KIAA0930: variants seen among roughly 807,000 people sequenced by gnomAD.
The protein encoded by KIAA0930 is uncharacterized protein KIAA0930.
KIAA0930 carries 24 observed loss-of-function variants against 43.9 expected under a neutral mutation model. That is an observed-to-expected ratio of 0.55 (90% CI 0.40 to 0.77). The LOEUF (loss-of-function observed/expected upper bound fraction) is 0.77, where lower values mean the gene tolerates loss of function less well. Ranked by LOEUF, KIAA0930 falls within the 30% of genes least tolerant of loss-of-function variation. The pLI, the probability that KIAA0930 is intolerant of heterozygous loss-of-function variation, is 0.00. For synonymous variants in KIAA0930, 259 were observed against 216.4 expected (o/e 1.20, Z -1.73); for missense variants, 461 against 574.2 (o/e 0.80, Z 2.02).
intron 1 of KIAA0930, among the ~76,000 whole-genome samples, chr22:45,220,366 A>C (rs1452355686): frequency 6.6e-6 from 1 of 152,016 alleles, no homozygotes; most frequent in Non-Finnish European, 1.5e-5. Context: ...AAAGCAGGAG[A>C]ATTGCTTGAA....
At chr22:45,229,441 G>A (rs376662983) in intron 1 of KIAA0930, among the ~76,000 whole-genome samples, 13 of 150,590 alleles carry the variant, frequency 8.6e-5, no homozygotes, top group African/African-American at 2.4e-4. Flanking sequence ...GAGCTGGTGC[G>A]AGGGATGAAA....
intron 1 of KIAA0930, among the ~76,000 whole-genome samples, chr22:45,213,695 C>A (rs949812350): frequency 1.3e-5 from 2 of 152,222 alleles, no homozygotes; most frequent in Non-Finnish European, 2.9e-5. Flanking sequence ...AACGGAATAA[C>A]AGAATAAATT....
chr22:45,193,408 C>G lies in KIAA0930; in HGVS notation c.*3768G>C, dbSNP rs1290705153. ...ATATACTGGCTGCACAGGGCCTTTC[C>G]TCTGGGACATCTTTTAATGAAAAAA... On this transcript the variant is annotated 3_prime_UTR_variant, in exon 10 of 10. Coordinates refer to ENST00000336156, the MANE Select transcript of KIAA0930 (RefSeq NM_001009880.2). 6.6e-6 allele frequency: 1 copy of G among 152,132 alleles called. No individual in the cohort carries two copies. Among genetic ancestry groups the G allele is most frequent in the African/African-American group, 2.4e-5 (1 of 41,408 alleles). The allele number at this position is 152,132 out of a possible 1,614,324, so 9.4% of individuals were successfully genotyped here. A position where few individuals can be genotyped will look rare whatever the true frequency, so the allele number is the denominator to read the frequency against.
At chr22:45,206,551 A>G (rs142289386) in intron 2 of KIAA0930, among the ~76,000 whole-genome samples, 1 of 152,232 alleles carries the variant, frequency 6.6e-6, no homozygotes, top group African/African-American at 2.4e-5. Context: ...CATTTTACAA[A>G]TTATTAATCC....
At chr22:45,223,894 A>C (rs1027358915) in intron 1 of KIAA0930, among the ~76,000 whole-genome samples, 2 of 151,154 alleles carry the variant, frequency 1.3e-5, no homozygotes, top group Non-Finnish European at 2.9e-5. Flanking sequence ...GTCAGCACTG[A>C]GACAGCACCC....
chr22:45,201,751 C>T (rs568031276), intron 7 of KIAA0930, among the ~76,000 whole-genome samples: 7 of 152,104 alleles, frequency 4.6e-5, no homozygotes, highest in Admixed American at 6.6e-5. Context: ...TACCTCCCCC[C>T]CAAAAAAAGA....
At chr22:45,211,583 C>A (rs999467429) in intron 2 of KIAA0930, among the ~76,000 whole-genome samples, 14 of 152,204 alleles carry the variant, frequency 9.2e-5, no homozygotes, top group Non-Finnish European at 2.9e-5. Flanking sequence ...AGTCAGGTCA[C>A]CCTGCCATGG....
chr22:45,204,383 G>T (rs993961409), intron 5 of KIAA0930, among the ~76,000 whole-genome samples: 3 of 152,188 alleles, frequency 2.0e-5, no homozygotes, highest in African/African-American at 7.2e-5. Context: ...CCCACCTGGG[G>T]TGACAACACC....
intron 8 of KIAA0930, among the ~76,000 whole-genome samples, chr22:45,199,243 C>T (rs910867678): frequency 1.3e-5 from 2 of 152,172 alleles, no homozygotes; most frequent in Admixed American, 6.6e-5. Context: ...GGTCACTGAG[C>T]GAGGACAGGG....
intron 9 of KIAA0930, 137 bp from the exon 10 acceptor site, chr22:45,197,353 G>A (rs1265120057): frequency 8.2e-6 from 6 of 727,610 alleles, no homozygotes; most frequent in Non-Finnish European, 1.4e-5. Flanking sequence ...ACAGACTGCA[G>A]AGGAGACGTG....
intron 1 of KIAA0930, among the ~76,000 whole-genome samples, chr22:45,219,421 G>T (rs1407993665): frequency 6.6e-6 from 1 of 151,950 alleles, no homozygotes; most frequent in African/African-American, 2.4e-5. Context: ...TCCTTTTTTA[G>T]AAAAGGATTA....
intron 1 of KIAA0930, among the ~76,000 whole-genome samples, chr22:45,219,575 G>T (rs1009503698): frequency 7.6e-5 from 11 of 145,272 alleles, no homozygotes; most frequent in African/African-American, 2.8e-4. Context: ...CAGGCCAAGA[G>T]GTGATTGTTT....
chr22:45,226,880 A>AT (rs2083805026), intron 1 of KIAA0930: 2 of 153,896 alleles, frequency 1.3e-5, no homozygotes, highest in Non-Finnish European at 2.9e-5. Flanking sequence ...CCCAGTCATC[A>AT]TTCCACCTCC....
At position 45,194,619 on chromosome 22, in the gene KIAA0930, T is replaced by TA. The variant is rs1400895870; in HGVS notation, c.*2556dup. 1 of 152,222 alleles carries TA rather than the reference T, an allele frequency of 6.6e-6. No individual in the cohort carries two copies. The highest frequency in any genetic ancestry group is 1.5e-5 in the Non-Finnish European group (1 of 68,046). 9.4% of individuals were successfully genotyped at this position (152,222 alleles called of 1,614,324 possible). Reference sequence around the variant, plus strand: ...CCCTGGTTCTGGCCCTGCCACTTGTTACTCTATTACTTTATTCCACATGTC... The same window carrying TA: ...CCCTGGTTCTGGCCCTGCCACTTGTTAACTCTATTACTTTATTCCACATGTC... On this transcript the variant is annotated 3_prime_UTR_variant, in exon 10 of 10. Transcript: ENST00000336156.
At chr22:45,232,293 T>G in intron 1 of KIAA0930, among the ~76,000 whole-genome samples, 1 of 152,232 alleles carries the variant, frequency 6.6e-6, no homozygotes, top group East Asian at 1.9e-4. Flanking sequence ...ATTCTGCTTT[T>G]CTCCCTTTCT....
intron 1 of KIAA0930, among the ~76,000 whole-genome samples, chr22:45,218,129 C>T (rs550318903): frequency 2.6e-5 from 4 of 152,194 alleles, no homozygotes; most frequent in South Asian, 2.1e-4. Flanking sequence ...TGACAGCTCG[C>T]GCGTGCCCTG....
At chr22:45,230,059 G>T (rs938575315) in intron 1 of KIAA0930, among the ~76,000 whole-genome samples, 33 of 152,198 alleles carry the variant, frequency 2.2e-4, no homozygotes, top group African/African-American at 7.2e-4. Flanking sequence ...TTATGCCACT[G>T]CACTCCAGCC....
rs2083496481 is a variant in KIAA0930 at position 45,192,371 on chromosome 22, G to C, written c.*4805C>G. 1 of 152,174 alleles carries C rather than the reference G, an allele frequency of 6.6e-6. No individual in the cohort carries two copies. Among genetic ancestry groups the C allele is most frequent in the African/African-American group, 2.4e-5 (1 of 41,424 alleles). The allele number at this position is 152,174 out of a possible 1,614,324, so 9.4% of individuals were successfully genotyped here. A position where few individuals can be genotyped will look rare whatever the true frequency, so the allele number is the denominator to read the frequency against. Reference sequence around the variant, plus strand: ...AATGATTTCCACTGGATGTGGAAGAGGGTTAATAAAGACGCTGTTGGTAAC... The same window carrying C: ...AATGATTTCCACTGGATGTGGAAGACGGTTAATAAAGACGCTGTTGGTAAC... On this transcript the variant is annotated 3_prime_UTR_variant, in exon 10 of 10. Coordinates refer to ENST00000336156, the MANE Select transcript of KIAA0930 (RefSeq NM_001009880.2).
chr22:45,218,781 G>A (rs564046347), intron 1 of KIAA0930, among the ~76,000 whole-genome samples: 2 of 152,164 alleles, frequency 1.3e-5, no homozygotes, highest in South Asian at 4.2e-4. Context: ...GGGTCACCTG[G>A]TGAACAGCTA....
Sources: allele counts gnomAD v4.1 joint callset (sites outside exome capture counted in the v4.1 genomes callset), GRCh38; gene constraint gnomAD v4.1.1; transcripts MANE v1.5; gene names NCBI Gene and HGNC (gene_info 2026-07-23, HGNC 2026-07-21).